TMEM74: variants seen among roughly 807,000 people sequenced by gnomAD.
TMEM74 encodes transmembrane protein 74.
TMEM74 carries 13 observed loss-of-function variants against 18.1 expected under a neutral mutation model. The observed-to-expected ratio is 0.72, with a 90% CI of 0.47 to 1.14. TMEM74 has a LOEUF of 1.14. Among genes scored for constraint, TMEM74 ranks in the 50% most tolerant of loss-of-function variants. The pLI is 0.00. For missense variants in TMEM74, 372 were observed against 375.9 expected, an observed-to-expected ratio of 0.99 and a Z score of 0.09; for synonymous variants, 159 against 146.6, an observed-to-expected ratio of 1.08 and a Z score of -0.61.
chr8:108,685,796 A>G (rs1813161658), intron 1 of TMEM74, among the ~76,000 whole-genome samples: 1 of 152,168 alleles, frequency 6.6e-6, no homozygotes, highest in African/African-American at 2.4e-5. Context: ...CAATGTCAAA[A>G]TACAAAACTC....
chr8:108,650,523 A>G (rs901346734), intron 2 of TMEM74, among the ~76,000 whole-genome samples: 3 of 152,156 alleles, frequency 2.0e-5, no homozygotes, highest in African/African-American at 4.8e-5. Flanking sequence ...ACAGCCCACT[A>G]TTCTCCTCAG....
intron 1 of TMEM74, among the ~76,000 whole-genome samples, chr8:108,713,299 C>A (rs1367185095): frequency 1.3e-5 from 2 of 151,916 alleles, no homozygotes; most frequent in South Asian, 4.1e-4. Context: ...GAATTATATA[C>A]AATTATAAAA....
At position 108,782,328 on chromosome 8, in the gene TMEM74, T is replaced by C. The variant is rs1814317181; in HGVS notation, c.*1853A>G. On this transcript the variant is annotated 3_prime_UTR_variant, in exon 2 of 2. Transcript: ENST00000297459. ...ATACAGCAACAGAAAGCAAAAATCATGTTTATGTCATCTCAATTCTTTCTT... is the reference window on the plus strand; with the variant it reads ...ATACAGCAACAGAAAGCAAAAATCACGTTTATGTCATCTCAATTCTTTCTT... 6.6e-6 allele frequency among the ~76,000 whole-genome samples: 1 copy of C among 152,210 alleles called. No homozygotes were observed. Among genetic ancestry groups the C allele is most frequent in the Non-Finnish European group, 1.5e-5 (1 of 68,036 alleles).
chr8:108,705,921 G>C (rs1209847005), intron 1 of TMEM74, among the ~76,000 whole-genome samples: 1 of 152,196 alleles, frequency 6.6e-6, no homozygotes, highest in Non-Finnish European at 1.5e-5. Flanking sequence ...TTCATGTTCT[G>C]TGGAGTACAG....
chr8:108,690,665 A>C (rs1813217113), intron 1 of TMEM74, among the ~76,000 whole-genome samples: 3 of 151,984 alleles, frequency 2.0e-5, no homozygotes. Flanking sequence ...AAAATAAAAA[A>C]TAAAAAATTA....
intron 1 of TMEM74, among the ~76,000 whole-genome samples, chr8:108,729,461 C>T (rs1301859933): frequency 6.6e-6 from 1 of 152,220 alleles, no homozygotes; most frequent in Non-Finnish European, 1.5e-5. Context: ...ATGTTCATCA[C>T]ATCTGCAAAG....
chr8:108,723,783 G>A (rs1813608204), intron 1 of TMEM74, among the ~76,000 whole-genome samples: 1 of 152,120 alleles, frequency 6.6e-6, no homozygotes, highest in Middle Eastern at 3.4e-3. Context: ...ATTAAAGGGG[G>A]GACTTAATGT....
chr8:108,725,335 A>AAG (rs1813625894), intron 1 of TMEM74, among the ~76,000 whole-genome samples: 3 of 152,178 alleles, frequency 2.0e-5, no homozygotes, highest in African/African-American at 7.2e-5. Context: ...AATTCCTAAT[A>AAG]AGAGATGCCT....
At chr8:108,660,781 T>C (rs1411263438) in intron 1 of TMEM74, among the ~76,000 whole-genome samples, 1 of 152,144 alleles carries the variant, frequency 6.6e-6, no homozygotes, top group Non-Finnish European at 1.5e-5. Context: ...CAGAGAGTAT[T>C]TCATGCAGGT....
At chr8:108,762,018 C>T (rs569511673) in intron 1 of TMEM74, among the ~76,000 whole-genome samples, 1 of 152,262 alleles carries the variant, frequency 6.6e-6, no homozygotes, top group South Asian at 2.1e-4. Context: ...AGAATTCAAT[C>T]CAGCGAAGTT....
chr8:108,638,097 G>A (rs914532854), intron 2 of TMEM74, among the ~76,000 whole-genome samples: 1 of 152,168 alleles, frequency 6.6e-6, no homozygotes, highest in African/African-American at 2.4e-5. Context: ...ATACTTGGGT[G>A]TGAAAGTAGA....
Position 108,689,613 on chromosome 8 carries a change from C to T in TMEM74, n.120-34176G>A, listed in dbSNP as rs143516158. On this transcript the variant is annotated intron_variant and non_coding_transcript_variant, in intron 1 of 3. Transcript: ENST00000518838. ...GCCAAGACATGGTGCCAGGCATGAG[C>T]GAGAAATCCTCTCTCCTGAGAAAAG... 1.1e-4 allele frequency among the ~76,000 whole-genome samples: 16 copies of T among 152,242 alleles called. No homozygotes were observed. The East Asian group carries it at 2.9e-3, about 28-fold the overall frequency.
At chr8:108,753,487 G>C (rs1043419746) in intron 1 of TMEM74, among the ~76,000 whole-genome samples, 1 of 152,046 alleles carries the variant, frequency 6.6e-6, no homozygotes, top group Non-Finnish European at 1.5e-5. Flanking sequence ...AAAAAAGGAG[G>C]CTATGTGCCC....
At chr8:108,693,660 A>C (rs1472228713) in intron 1 of TMEM74, among the ~76,000 whole-genome samples, 1 of 152,224 alleles carries the variant, frequency 6.6e-6, no homozygotes, top group East Asian at 1.9e-4. Context: ...GTGGTGTGGA[A>C]AGAAATGTTT....
chr8:108,707,762 A>T (rs1246871625), intron 1 of TMEM74, among the ~76,000 whole-genome samples: 1 of 152,188 alleles, frequency 6.6e-6, no homozygotes, highest in African/African-American at 2.4e-5. Flanking sequence ...ATAGGGTAAA[A>T]TCTTCTTGTC....
chr8:108,688,377 A>T (rs1474256199), intron 1 of TMEM74, among the ~76,000 whole-genome samples: 1 of 152,228 alleles, frequency 6.6e-6, no homozygotes, highest in Admixed American at 6.5e-5. Context: ...CGCTCAGTCC[A>T]ATCAAGGATG....
At chr8:108,737,952 C>T (rs1454727939) in intron 1 of TMEM74, among the ~76,000 whole-genome samples, 1 of 152,102 alleles carries the variant, frequency 6.6e-6, no homozygotes, top group Non-Finnish European at 1.5e-5. Flanking sequence ...TACTCACCTG[C>T]TGAATTTCAT....
Position 108,752,642 on chromosome 8 carries a change from C to A in TMEM74, n.119+34834G>T, listed in dbSNP as rs149550288. 8.0e-4 allele frequency among the ~76,000 whole-genome samples: 121 copies of A among 152,154 alleles called. 3 individuals are homozygous for A. The highest frequency in any genetic ancestry group is 4.6e-4 in the Admixed American group (7 of 15,250). On this transcript the variant is annotated intron_variant and non_coding_transcript_variant, in intron 1 of 3. Transcript: ENST00000518838. ...CAACCGACCTTATTGTAACTTCAAA[C>A]TGATTTTTCTCTGGATTCTTATATA...
chr8:108,777,401 A>G (rs62509432), downstream of TMEM74, among the ~76,000 whole-genome samples: 11,333 of 152,220 alleles, frequency 0.074, 590 homozygotes, highest in African/African-American at 0.14. Flanking sequence ...TTCAATTCCA[A>G]GGAAAAGTGT....
Sources: allele counts gnomAD v4.1 joint callset (sites outside exome capture counted in the v4.1 genomes callset), GRCh38; gene constraint gnomAD v4.1.1; transcripts MANE v1.5; gene names NCBI Gene and HGNC (gene_info 2026-07-23, HGNC 2026-07-21).